The following WDR27 variants were observed in gnomAD, a reference collection of about 807,000 sequenced individuals.
The protein encoded by WDR27 is WD repeat-containing protein 27.
WDR27 carries 100 observed loss-of-function variants against 114.4 expected under a neutral mutation model. The ratio of observed to expected loss-of-function variants is 0.87; its 90% CI spans 0.74 to 1.03. WDR27 has a LOEUF of 1.03. Among genes scored for constraint, WDR27 ranks in the 50% least tolerant of loss-of-function variants. WDR27 has a pLI of 0.00. For missense variants in WDR27, 1,129 were observed against 1,092.9 expected, an observed-to-expected ratio of 1.03 and a Z score of -0.47; for synonymous variants, 449 against 423.1, an observed-to-expected ratio of 1.06 and a Z score of -0.75.
chr6:169,599,591 G>A (rs1807529299), intron 23 of WDR27, among the ~76,000 whole-genome samples: 1 of 152,122 alleles, frequency 6.6e-6, no homozygotes, highest in African/African-American at 2.4e-5. Context: ...GTATTTCTGT[G>A]GGATTGGTGG....
intron 25 of WDR27, among the ~76,000 whole-genome samples, chr6:169,496,538 T>C (rs1368538823): frequency 5.9e-5 from 9 of 152,130 alleles, no homozygotes; most frequent in African/African-American, 2.2e-4. Context: ...GTTTTATATA[T>C]AGGAAGCCCT....
intron 24 of WDR27, among the ~76,000 whole-genome samples, chr6:169,577,671 C>T (rs1181041334): frequency 6.6e-6 from 1 of 152,206 alleles, no homozygotes; most frequent in Non-Finnish European, 1.5e-5. Flanking sequence ...CACGGAACTG[C>T]AGTCGGGAAA....
At chr6:169,565,839 C>G (rs12199898) in intron 25 of WDR27, among the ~76,000 whole-genome samples, 89,619 of 152,080 alleles carry the variant, frequency 0.59, 29,147 homozygotes, top group Non-Finnish European at 0.72. Flanking sequence ...TTGTAGAAAT[C>G]AGGTCTCACG....
At chr6:169,670,838 G>T in intron 3 of WDR27, 145 bp from the exon 4 acceptor site, 1 of 1,167,814 alleles carries the variant, frequency 8.6e-7, no homozygotes, top group South Asian at 1.6e-5. Context: ...GATTCTTTAA[G>T]AATATCAAAA....
At chr6:169,513,698 GTAAT>G (rs35046990) in intron 25 of WDR27, among the ~76,000 whole-genome samples, 3,917 of 76,476 alleles carry the variant, frequency 0.051, no homozygotes, top group African/African-American at 0.11. Flanking sequence ...TTATTTATAA[GTAAT>G]TACTTATAAA....
At chr6:169,640,689 T>G (rs575433210) in intron 17 of WDR27, among the ~76,000 whole-genome samples, 5 of 152,372 alleles carry the variant, frequency 3.3e-5, no homozygotes, top group African/African-American at 1.2e-4. Context: ...CCAGGCAGCC[T>G]GGGCCATAAG....
chr6:169,635,125 T>C (rs1817352236), intron 19 of WDR27, among the ~76,000 whole-genome samples: 1 of 151,906 alleles, frequency 6.6e-6, no homozygotes, highest in South Asian at 2.1e-4. Context: ...CCCAGCACTT[T>C]GGGAGGCCGA....
chr6:169,605,108 C>CAAAAAAAAAAAAAAAAAAAAAAAAAAAA (rs59884264), intron 22 of WDR27, among the ~76,000 whole-genome samples: 2 of 76,202 alleles, frequency 2.6e-5, no homozygotes, highest in Non-Finnish European at 4.3e-5. Flanking sequence ...AGCAATTAGG[C>CAAAAAAAAAAAAAAAAAAAAAAAAAAAA]AAAAAAAAAA....
At chr6:169,490,208 C>T (rs1789562952) in intron 25 of WDR27, among the ~76,000 whole-genome samples, 1 of 152,206 alleles carries the variant, frequency 6.6e-6, no homozygotes, top group South Asian at 2.1e-4. Context: ...GCCCCCTGCA[C>T]TTTTTACTAG....
chr6:169,477,674 A>G (rs1361260928), intron 25 of WDR27, among the ~76,000 whole-genome samples: 2 of 152,180 alleles, frequency 1.3e-5, no homozygotes, highest in East Asian at 1.9e-4. Flanking sequence ...CCAAGCCTCA[A>G]GTGATCCACC....
intron 25 of WDR27, among the ~76,000 whole-genome samples, chr6:169,525,595 T>C (rs1794881739): frequency 6.8e-6 from 1 of 147,596 alleles, no homozygotes; most frequent in African/African-American, 2.5e-5. Context: ...GGGAATGACA[T>C]ATGCGGGCAA....
intron 25 of WDR27, among the ~76,000 whole-genome samples, chr6:169,554,716 G>A (rs1798633399): frequency 6.6e-6 from 1 of 152,134 alleles, no homozygotes; most frequent in African/African-American, 2.4e-5. Flanking sequence ...ACCACCATGT[G>A]CAACCGTAAA....
At chr6:169,492,362 G>A (rs894382102) in intron 25 of WDR27, among the ~76,000 whole-genome samples, 2 of 152,012 alleles carry the variant, frequency 1.3e-5, no homozygotes, top group Non-Finnish European at 2.9e-5. Flanking sequence ...AATCAGTTAA[G>A]AGCCACAGAT....
At chr6:169,534,112 G>A (rs1443747671) in intron 25 of WDR27, among the ~76,000 whole-genome samples, 2 of 152,146 alleles carry the variant, frequency 1.3e-5, no homozygotes, top group Non-Finnish European at 2.9e-5. Flanking sequence ...ACGGATGGTT[G>A]TTACATTTTG....
chr6:169,644,394 G>T lies in WDR27; in HGVS notation c.1658-608C>A, dbSNP rs201856754. ...ACACTGTAGAAAATCCTAGTTCACA[G>T]GAGTCACACTGTCGAAAATCCTAGT... On this transcript the variant is annotated intron_variant, in intron 16 of 25. Transcript: ENST00000448612. Among the ~76,000 whole-genome samples, 6 of 147,526 alleles carry T rather than the reference G, an allele frequency of 4.1e-5. No homozygotes were observed. The East Asian group carries it at 1.3e-3, about 31-fold the overall frequency.
intron 9 of WDR27, among the ~76,000 whole-genome samples, chr6:169,661,183 C>T (rs1019468367): frequency 6.6e-6 from 1 of 152,236 alleles, no homozygotes; most frequent in African/African-American, 2.4e-5. Context: ...TGTGAAGACG[C>T]TCGCTCTGAC....
At chr6:169,581,021 A>T (rs974792927) in intron 24 of WDR27, among the ~76,000 whole-genome samples, 1 of 150,396 alleles carries the variant, frequency 6.6e-6, no homozygotes, top group African/African-American at 2.4e-5. Context: ...ATGTATACGT[A>T]TACATAACTG....
intron 25 of WDR27, among the ~76,000 whole-genome samples, chr6:169,473,021 T>A (rs1786636016): frequency 6.6e-6 from 1 of 152,230 alleles, no homozygotes; most frequent in Non-Finnish European, 1.5e-5. Flanking sequence ...ATAACTTGCC[T>A]AGGACAGCTC....
the WDR27 span, among the ~76,000 whole-genome samples, chr6:169,428,412 C>T: frequency 1.3e-5 from 2 of 152,162 alleles, no homozygotes; most frequent in African/African-American, 4.8e-5. Context: ...TAACACAGTT[C>T]TAAATTTGTT....
Sources: allele counts gnomAD v4.1 joint callset (sites outside exome capture counted in the v4.1 genomes callset), GRCh38; gene constraint gnomAD v4.1.1; transcripts MANE v1.5; gene names NCBI Gene and HGNC (gene_info 2026-07-23, HGNC 2026-07-21).